Variants in ARL5C observed in about 807,000 individuals in gnomAD.
ARL5C encodes putative ADP-ribosylation factor-like protein 5C.
In ARL5C, 21 loss-of-function variants were observed where a neutral mutation model predicts 20.8. The ratio of observed to expected loss-of-function variants is 1.01; its 90% CI spans 0.72 to 1.46. ARL5C has a LOEUF of 1.46. Among genes scored for constraint, ARL5C ranks in the 40% most tolerant of loss-of-function variants. The pLI, the probability that ARL5C is intolerant of heterozygous loss-of-function variation, is 0.00. For synonymous variants in ARL5C, 71 were observed against 81.6 expected, an observed-to-expected ratio of 0.87 and a Z score of 0.70; for missense variants, 199 against 225.1, an observed-to-expected ratio of 0.88 and a Z score of 0.74.
intron 3 of ARL5C, 140 bp downstream of exon 3, chr17:39,162,571 G>T: frequency 1.8e-6 from 2 of 1,109,580 alleles, no homozygotes; most frequent in Non-Finnish European, 2.5e-6. Context: ...AAAGTGCTGG[G>T]ATTACAGGTG....
rs1295535922 is a variant in ARL5C, at chr17:39,165,536, G to T, written c.46+179C>A. The T allele has an allele frequency of 2.4e-5, 17 of 719,758 alleles. No homozygotes were observed. In the African/African-American group the frequency reaches 2.9e-4, roughly 12 times the overall value. The allele number at this position is 719,758 out of a possible 1,614,324, so 44.6% of individuals were successfully genotyped here. A position where few individuals can be genotyped will look rare whatever the true frequency, so the allele number is the denominator to read the frequency against. ...TTTGCGTCCTGGGGCGCACCGAAGC[G>T]CCGGGACCCAAGAGGAGCAGGCAGG... On this transcript the variant is annotated intron_variant, in intron 1 of 5. Transcript: ENST00000269586.
At chr17:39,159,005 C>A (rs1442724930) in intron 5 of ARL5C, among the ~76,000 whole-genome samples, 1 of 131,520 alleles carries the variant, frequency 7.6e-6, no homozygotes, top group African/African-American at 2.8e-5. Context: ...CTTTATTCAC[C>A]TTATCATTTA....
At chr17:39,163,701 C>CT (rs59010635) in intron 2 of ARL5C, among the ~76,000 whole-genome samples, 2,134 of 131,012 alleles carry the variant, frequency 0.016, 56 homozygotes, top group African/African-American at 0.048. Context: ...CACAGTTTTG[C>CT]TTTTTTTTTT....
chr17:39,163,687 C>T (rs924816352), intron 2 of ARL5C, among the ~76,000 whole-genome samples: 19 of 147,896 alleles, frequency 1.3e-4, no homozygotes, highest in Admixed American at 2.7e-4. Flanking sequence ...CCACCGCATC[C>T]GGCCACAGTT....
At chr17:39,159,410 C>A (rs910087216) in intron 5 of ARL5C, among the ~76,000 whole-genome samples, 4 of 151,342 alleles carry the variant, frequency 2.6e-5, no homozygotes, top group African/African-American at 9.7e-5. Context: ...GCTTCTCCTG[C>A]CTCACCCTCC....
intron 5 of ARL5C, 135 bp from the exon 6 acceptor site, chr17:39,157,077 C>T: frequency 1.0e-6 from 1 of 983,504 alleles, no homozygotes; most frequent in Admixed American, 2.4e-5. Context: ...CAGAGATGAA[C>T]TGGCTTGAGT....
At chr17:39,164,381 A>G (rs1485071739) in intron 2 of ARL5C, 1 of 152,192 alleles carries the variant, frequency 6.6e-6, no homozygotes, top group African/African-American at 2.4e-5. Context: ...AAATATACAC[A>G]TGCTTTTATA....
At position 39,157,606 on chromosome 17, in the gene ARL5C, A is replaced by G. The variant is rs141812055; in HGVS notation, c.492-664T>C. ...GGAATTCGAGACCAGCCTGACCAAC[A>G]TGGAGAAAGCCCGTCTCTACTAGAA... On this transcript the variant is annotated intron_variant, in intron 5 of 5. Coordinates refer to ENST00000269586, the MANE Select transcript of ARL5C (RefSeq NM_001143968.1). 7.2e-3 allele frequency among the ~76,000 whole-genome samples: 1,077 copies of G among 150,492 alleles called. 5 individuals are homozygous for G. Among genetic ancestry groups the G allele is most frequent in the Middle Eastern group, 0.058 (17 of 292 alleles).
At chr17:39,165,295 C>A (rs2045457259) in intron 1 of ARL5C, 156 bp from the exon 2 acceptor site, 2 of 682,506 alleles carry the variant, frequency 2.9e-6, no homozygotes, top group African/African-American at 1.8e-5. Context: ...GCTCCGACAC[C>A]TGCCCCACTC....
intron 1 of ARL5C, 56 bp from the exon 2 acceptor site, chr17:39,165,195 G>A (rs994964445): frequency 2.0e-6 from 3 of 1,523,352 alleles, no homozygotes; most frequent in African/African-American, 2.8e-5. Flanking sequence ...CCAAGGGACT[G>A]TGTGCCCCCA....
chr17:39,160,875 T>A (rs1597668095), intron 4 of ARL5C, 133 bp from the exon 5 acceptor site: 1 of 1,055,764 alleles, frequency 9.5e-7, no homozygotes, highest in Non-Finnish European at 1.3e-6. Flanking sequence ...GGGGCAGAGA[T>A]GGGGGCCCTG....
intron 5 of ARL5C, among the ~76,000 whole-genome samples, chr17:39,158,606 AC>A (rs994010857): frequency 7.2e-6 from 1 of 138,136 alleles, no homozygotes; most frequent in South Asian, 2.2e-4. Flanking sequence ...ACAGAGGGAG[AC>A]CCTGCCTCAA....
intron 3 of ARL5C, 90 bp from the exon 4 acceptor site, chr17:39,161,441 T>TG: frequency 9.1e-7 from 1 of 1,103,116 alleles, no homozygotes; most frequent in Non-Finnish European, 1.3e-6. Context: ...GTCTCTGCAC[T>TG]GCCCAGATGT....
intron 1 of ARL5C, chr17:39,165,392 C>G (rs2045457862): frequency 1.7e-6 from 1 of 589,186 alleles, no homozygotes; most frequent in South Asian, 2.1e-5. Context: ...TCGGGGCTTG[C>G]CAAGAGACGG....
chr17:39,161,119 A>C (rs1007584369), intron 4 of ARL5C, 149 bp downstream of exon 4: 2 of 739,214 alleles, frequency 2.7e-6, no homozygotes, highest in Non-Finnish European at 4.6e-6. Context: ...GATGCCCTTC[A>C]TCAGGCACAA....
At chr17:39,163,250 C>G (rs2045443356) in intron 2 of ARL5C, among the ~76,000 whole-genome samples, 1 of 152,034 alleles carries the variant, frequency 6.6e-6, no homozygotes, top group African/African-American at 2.4e-5. Context: ...CAGAGCCCAG[C>G]CTCCTCAAAC....
intron 5 of ARL5C, among the ~76,000 whole-genome samples, chr17:39,157,469 G>A (rs1450963990): frequency 2.0e-5 from 3 of 152,186 alleles, no homozygotes; most frequent in East Asian, 1.9e-4. Context: ...GTCTGGCACC[G>A]CACAGGGAAC....
intron 5 of ARL5C, among the ~76,000 whole-genome samples, chr17:39,158,092 C>T (rs552210191): frequency 5.9e-4 from 74 of 124,728 alleles, no homozygotes; most frequent in African/African-American, 2.1e-3. Flanking sequence ...AGCAAGTGGC[C>T]GTCGAAGAAA....
intron 1 of ARL5C, 123 bp from the exon 2 acceptor site, chr17:39,165,262 G>C: frequency 1.1e-6 from 1 of 950,146 alleles, no homozygotes; most frequent in Non-Finnish European, 1.6e-6. Context: ...TCTGCCCACC[G>C]TACCGCGTCT....
Sources: allele counts gnomAD v4.1 joint callset (sites outside exome capture counted in the v4.1 genomes callset), GRCh38; gene constraint gnomAD v4.1.1; transcripts MANE v1.5; gene names NCBI Gene and HGNC (gene_info 2026-07-23, HGNC 2026-07-21).